Variants in CDS2 observed in about 807,000 individuals in gnomAD.
CDS2 encodes CDP-diacylglycerol synthase 2, also known as phosphatidate cytidylyltransferase 2.
A neutral mutation model predicts 59.0 loss-of-function variants in CDS2; 47 were observed. The ratio of observed to expected loss-of-function variants is 0.80; its 90% confidence interval spans 0.63 to 1.02. CDS2 has a LOEUF of 1.02. Ranked by LOEUF, CDS2 falls within the 50% of genes least tolerant of loss-of-function variation. The pLI is 0.00. For missense variants in CDS2, 356 were observed against 558.9 expected (o/e 0.64, Z 3.66); for synonymous variants, 207 against 206.4 (o/e 1.00, Z -0.02).
chr20:5,172,764 A>G (rs1210542459), intron 1 of CDS2, among the ~76,000 whole-genome samples: 2 of 152,224 alleles, frequency 1.3e-5, no homozygotes, highest in Non-Finnish European at 2.9e-5. Flanking sequence ...CATAGCAACT[A>G]TTCTGAATTC....
chr20:5,145,453 A>C (rs2090734521), intron 1 of CDS2, among the ~76,000 whole-genome samples: 1 of 152,056 alleles, frequency 6.6e-6, no homozygotes, highest in South Asian at 2.1e-4. Flanking sequence ...ACAGACCTTC[A>C]ATTTCTGTTA....
intron 1 of CDS2, among the ~76,000 whole-genome samples, chr20:5,151,926 C>A (rs142169213): frequency 0.051 from 7,742 of 150,714 alleles, 226 homozygotes; most frequent in South Asian, 0.11. Context: ...CACCATGCCC[C>A]GCTAATTTTG....
chr20:5,187,772 T>C (rs1420372422), intron 10 of CDS2: 1 of 150,824 alleles, frequency 6.6e-6, no homozygotes, highest in East Asian at 2.0e-4. Context: ...TAATCCCAGC[T>C]ACCAGCTACT....
At chr20:5,157,109 A>T (rs1270765001) in intron 1 of CDS2, among the ~76,000 whole-genome samples, 2 of 152,094 alleles carry the variant, frequency 1.3e-5, no homozygotes, top group African/African-American at 4.8e-5. Flanking sequence ...TCTGGGTGGG[A>T]GGGGGAATGG....
chr20:5,144,730 A>G (rs1465863403), intron 1 of CDS2, among the ~76,000 whole-genome samples: 1 of 152,230 alleles, frequency 6.6e-6, no homozygotes, highest in Non-Finnish European at 1.5e-5. Flanking sequence ...TGAAACCATC[A>G]TGTTGAGGAT....
intron 1 of CDS2, among the ~76,000 whole-genome samples, chr20:5,134,594 C>G (rs1024933592): frequency 2.6e-5 from 4 of 152,130 alleles, no homozygotes; most frequent in Non-Finnish European, 4.4e-5. Flanking sequence ...GATCTCAGCT[C>G]ACTGCAACCT....
At chr20:5,139,324 A>G (rs918212568) in intron 1 of CDS2, among the ~76,000 whole-genome samples, 3 of 152,210 alleles carry the variant, frequency 2.0e-5, no homozygotes, top group Admixed American at 1.3e-4. Flanking sequence ...ATCATGCCAT[A>G]GCACTCCAGC....
chr20:5,143,569 T>C (rs1476865681), intron 1 of CDS2, among the ~76,000 whole-genome samples: 2 of 152,066 alleles, frequency 1.3e-5, no homozygotes, highest in African/African-American at 4.8e-5. Context: ...AACATGAGTG[T>C]ACAAATATCT....
intron 5 of CDS2, among the ~76,000 whole-genome samples, chr20:5,180,481 C>T (rs1343997728): frequency 1.3e-5 from 2 of 152,020 alleles, no homozygotes. Flanking sequence ...GGGTAATTTC[C>T]TGATGTTGCC....
chr20:5,190,335 C>G lies in CDS2; in HGVS notation c.*101C>G. On this transcript the variant is annotated 3_prime_UTR_variant, in exon 13 of 13. Transcript: ENST00000460006. ...CTTAGACAATGACGAGGCTTCAACT[C>G]ACTGTCTTTTTTTTTTTTTTTTGGA... The G allele has an allele frequency of 1.0e-6, 1 of 974,626 alleles. No individual in the cohort carries two copies. The highest frequency in any genetic ancestry group is 1.4e-6 in the Non-Finnish European group (1 of 690,184). 60.4% of individuals were successfully genotyped at this position (974,626 alleles called of 1,614,324 possible). A position where few individuals can be genotyped will look rare whatever the true frequency, so the allele number is the denominator to read the frequency against.
At chr20:5,134,740 C>G (rs890814762) in intron 1 of CDS2, among the ~76,000 whole-genome samples, 1 of 152,118 alleles carries the variant, frequency 6.6e-6, no homozygotes, top group Non-Finnish European at 1.5e-5. Context: ...AGGCTGGTCT[C>G]AAATTCCTGA....
intron 1 of CDS2, among the ~76,000 whole-genome samples, chr20:5,164,206 T>A (rs2090897190): frequency 6.6e-6 from 1 of 152,282 alleles, no homozygotes; most frequent in Non-Finnish European, 1.5e-5. Context: ...TCTATTTGAT[T>A]GGTACTTGAT....
rs1405729860 is a variant in CDS2 at position 5,186,761 on chromosome 20, T to C, written c.903T>C (p.Thr301=). ...VEYNNDTNSF[T]VDCEPSDLFR... is the part of the protein sequence containing the mutation. Reference sequence around the variant, plus strand: ...ACAACAATGACACCAACAGCTTCACTGTGGACTGTGAGCCCTCGGACCTGT... The same window carrying C: ...ACAACAATGACACCAACAGCTTCACCGTGGACTGTGAGCCCTCGGACCTGT... The change falls in exon 10 of 13, where the codon ACT becomes ACC. Residue 301 remains threonine (T), a synonymous_variant. Coordinates refer to ENST00000460006, the MANE Select transcript of CDS2 (RefSeq NM_003818.4). The C allele has an allele frequency of 1.2e-6, 2 of 1,614,036 alleles. No homozygotes were observed. The highest frequency in any genetic ancestry group is 1.7e-6 in the Non-Finnish European group (2 of 1,179,998).
chr20:5,131,408 C>G (rs1211520099), intron 1 of CDS2, among the ~76,000 whole-genome samples: 1 of 152,162 alleles, frequency 6.6e-6, no homozygotes, highest in Non-Finnish European at 1.5e-5. Flanking sequence ...GATCCTCTTC[C>G]TACCCAACCA....
In CDS2 at chr20:5,127,154, C is replaced by T. The variant is rs368049762; in HGVS notation, c.57+5C>T. On this transcript the variant is annotated splice_donor_5th_base_variant and intron_variant, in intron 1 of 12. Coordinates refer to ENST00000460006, the MANE Select transcript of CDS2 (RefSeq NM_003818.4). ...GTTGCGCCACCCGAGGACAAGGTAG[C>T]GGCAGCGTCGGGGTGGGCGCGGCCG... 1.1e-5 allele frequency: 16 copies of T among 1,489,560 alleles called. No individual in the cohort carries two copies. The highest frequency in any genetic ancestry group is 1.4e-5 in the Non-Finnish European group (16 of 1,118,132). 92.3% of individuals were successfully genotyped at this position (1,489,560 alleles called of 1,614,324 possible). A position where few individuals can be genotyped will look rare whatever the true frequency, so the allele number is the denominator to read the frequency against.
intron 1 of CDS2, among the ~76,000 whole-genome samples, chr20:5,129,727 C>T (rs1186355636): frequency 6.6e-6 from 1 of 151,712 alleles, no homozygotes. Context: ...TAGGCATGAG[C>T]CACTGTACCT....
At chr20:5,158,239 G>T (rs192305725) in intron 1 of CDS2, among the ~76,000 whole-genome samples, 1 of 149,302 alleles carries the variant, frequency 6.7e-6, no homozygotes, top group Non-Finnish European at 1.5e-5. Context: ...GCACAGTCTC[G>T]GCTCACTGCA....
intron 1 of CDS2, among the ~76,000 whole-genome samples, chr20:5,131,041 C>T (rs1441034434): frequency 3.4e-5 from 5 of 148,328 alleles, no homozygotes; most frequent in African/African-American, 1.3e-4. Context: ...TGCAGTGAGC[C>T]GAGATGGCGC....
chr20:5,191,787 A>G lies in CDS2; in HGVS notation c.*1553A>G, dbSNP rs902721708. The G allele has an allele frequency of 4.6e-5, 7 of 152,096 alleles. No homozygotes were observed. The highest frequency in any genetic ancestry group is 1.0e-4 in the Non-Finnish European group (7 of 68,016). 9.4% of individuals were successfully genotyped at this position (152,096 alleles called of 1,614,324 possible). A position where few individuals can be genotyped will look rare whatever the true frequency, so the allele number is the denominator to read the frequency against. ...AGCGGCTTCTTTCCGCTGAACTTTT[A>G]TTTCCATTTCAGCCTCGTGGCTTCT... is the stretch of plus-strand genomic sequence containing the variant. On this transcript the variant is annotated 3_prime_UTR_variant, in exon 13 of 13. Transcript: ENST00000460006.
Sources: allele counts gnomAD v4.1 joint callset (sites outside exome capture counted in the v4.1 genomes callset), GRCh38; gene constraint gnomAD v4.1.1; transcripts MANE v1.5; gene names NCBI Gene and HGNC (gene_info 2026-07-23, HGNC 2026-07-21).